The following NR3C2 variants were observed in gnomAD, a reference collection of about 807,000 sequenced individuals.
The protein encoded by NR3C2 is nuclear receptor subfamily 3 group C member 2.
NR3C2 carries 15 observed loss-of-function variants against 86.4 expected under a neutral mutation model. The observed-to-expected ratio is 0.17, with a 90% CI of 0.12 to 0.27. NR3C2 has a LOEUF of 0.27. Among genes scored for constraint, NR3C2 ranks in the 10% least tolerant of loss-of-function variants. NR3C2 has a pLI of 1.00. For synonymous variants in NR3C2, 458 were observed against 450.5 expected (o/e 1.02, Z -0.21); for missense variants, 960 against 1,195.6 (o/e 0.80, Z 2.91).
chr4:148,418,832 A>C (rs1749133172), intron 2 of NR3C2, among the ~76,000 whole-genome samples: 1 of 152,168 alleles, frequency 6.6e-6, no homozygotes, highest in Admixed American at 6.5e-5. Context: ...ATTCTTAGAG[A>C]GGATAGGTAA....
chr4:148,445,152 C>CTGA (rs1750518272), upstream of NR3C2, among the ~76,000 whole-genome samples: 1 of 151,982 alleles, frequency 6.6e-6, no homozygotes, highest in Non-Finnish European at 1.5e-5. Flanking sequence ...CCCAAATGCA[C>CTGA]GCACCCCCTT....
chr4:148,394,234 T>C (rs1747739008), intron 2 of NR3C2, among the ~76,000 whole-genome samples: 1 of 152,044 alleles, frequency 6.6e-6, no homozygotes. Context: ...TCCAGAAAAC[T>C]GTCCAGCCAA....
intron 2 of NR3C2, among the ~76,000 whole-genome samples, chr4:148,410,711 C>G (rs190291412): frequency 2.8e-4 from 42 of 152,228 alleles, no homozygotes; most frequent in Non-Finnish European, 5.0e-4. Context: ...ACATGAACAT[C>G]TTAGACTGAG....
At chr4:148,342,582 G>A (rs956413920) in intron 2 of NR3C2, among the ~76,000 whole-genome samples, 5 of 152,268 alleles carry the variant, frequency 3.3e-5, no homozygotes, top group Admixed American at 1.3e-4. Context: ...AGCCCCTTAT[G>A]AGCTAAGCTG....
Position 148,079,399 on chromosome 4 carries a change from G to T in NR3C2, c.*1945C>A, listed in dbSNP as rs1242511500. 1 of 152,300 alleles carries T rather than the reference G, an allele frequency of 6.6e-6. No homozygotes were observed. Among genetic ancestry groups the T allele is most frequent in the African/African-American group, 2.4e-5 (1 of 41,468 alleles). 9.4% of individuals were successfully genotyped at this position (152,300 alleles called of 1,614,324 possible). A position where few individuals can be genotyped will look rare whatever the true frequency, so the allele number is the denominator to read the frequency against. On this transcript the variant is annotated 3_prime_UTR_variant, in exon 9 of 9. Transcript: ENST00000358102. ...GGTGTCTTTTGAAAGACAAGGTAAT[G>T]TTGCCTGCATGGTGAACCCTGGAGA...
rs548370657 is a variant in NR3C2, at chr4:148,207,788, C to T, written c.1898-12926G>A. 1.2e-4 allele frequency among the ~76,000 whole-genome samples: 18 copies of T among 152,286 alleles called. No homozygotes were observed. In the Middle Eastern group the frequency reaches 0.024, roughly 201 times the overall value. ...AAGACCCCCAGTGGATGCCTGAAAC[C>T]ACAGATAGTACCAAAATCTATATAT... On this transcript the variant is annotated intron_variant, in intron 3 of 8. Coordinates refer to ENST00000358102, the MANE Select transcript of NR3C2 (RefSeq NM_000901.5).
At chr4:148,186,296 AT>A (rs1014958595) in intron 4 of NR3C2, among the ~76,000 whole-genome samples, 1 of 151,518 alleles carries the variant, frequency 6.6e-6, no homozygotes, top group African/African-American at 2.4e-5. Flanking sequence ...TCCTTTACCC[AT>A]TTTTTTAATG....
At chr4:148,324,203 A>T (rs912751748) in intron 2 of NR3C2, among the ~76,000 whole-genome samples, 2 of 152,202 alleles carry the variant, frequency 1.3e-5, no homozygotes, top group Non-Finnish European at 2.9e-5. Context: ...TTCCATATAT[A>T]AATAAGGTCG....
chr4:148,329,343 T>TAG (rs75906249), intron 2 of NR3C2, among the ~76,000 whole-genome samples: 3 of 152,164 alleles, frequency 2.0e-5, no homozygotes, highest in African/African-American at 7.2e-5. Context: ...TGCATATATA[T>TAG]ACACATATAT....
At position 148,084,316 on chromosome 4, in the gene NR3C2, G is replaced by T. The variant is rs187139395; in HGVS notation, c.2800-2817C>A. Reference sequence around the variant, plus strand: ...TGGGAAGCCCATCAGAATAACAGCAGATCTCTCTGCAGAAACCCTACAAGC... The same window carrying T: ...TGGGAAGCCCATCAGAATAACAGCATATCTCTCTGCAGAAACCCTACAAGC... On this transcript the variant is annotated intron_variant, in intron 8 of 8. Coordinates refer to ENST00000358102, the MANE Select transcript of NR3C2 (RefSeq NM_000901.5). Among the ~76,000 whole-genome samples, 254 of 152,332 alleles carry T rather than the reference G, an allele frequency of 1.7e-3. 2 individuals carry two copies. Among genetic ancestry groups the T allele is most frequent in the African/African-American group, 4.8e-3 (201 of 41,574 alleles).
chr4:148,120,248 C>G lies in NR3C2; in HGVS notation c.2551G>C (p.Gly851Arg), dbSNP rs1382992956. The change falls in exon 7 of 9, where the codon GGG becomes CGG. Residue 851 changes from glycine (G) to arginine (R), a missense_variant. Gly to Arg is a moderately radical substitution (Grantham distance 125). Around this residue, in one of 4 missense-constraint regions of NR3C2, gnomAD observed 151 missense variants for 296.3 expected, o/e 0.51. Coordinates refer to ENST00000358102, the MANE Select transcript of NR3C2 (RefSeq NM_000901.5). ...HQSAMYELCQ[G>R]MHQISLQFVR... ...AACTGAAGGCTGATTTGGTGCATCCCCTGGCATAGTTCATACATGGCAGAC... is the reference window on the plus strand; with the variant it reads ...AACTGAAGGCTGATTTGGTGCATCCGCTGGCATAGTTCATACATGGCAGAC... 5.0e-6 allele frequency: 8 copies of G among 1,613,962 alleles called. No homozygotes were observed. Among genetic ancestry groups the G allele is most frequent in the Non-Finnish European group, 6.8e-6 (8 of 1,179,996 alleles).
At chr4:148,318,589 C>G (rs1168487202) in intron 2 of NR3C2, among the ~76,000 whole-genome samples, 2 of 152,092 alleles carry the variant, frequency 1.3e-5, no homozygotes, top group Non-Finnish European at 2.9e-5. Context: ...GAGATGATAT[C>G]TCATTGTGGT....
chr4:148,100,453 C>T (rs921762405), intron 8 of NR3C2, among the ~76,000 whole-genome samples: 2 of 152,126 alleles, frequency 1.3e-5, no homozygotes, highest in African/African-American at 4.8e-5. Flanking sequence ...TACAAATGGC[C>T]ATTAGCGCCT....
At chr4:148,141,293 G>A (rs936249303) in intron 6 of NR3C2, among the ~76,000 whole-genome samples, 35 of 152,086 alleles carry the variant, frequency 2.3e-4, no homozygotes, top group African/African-American at 8.0e-4. Flanking sequence ...AATTAGCTGG[G>A]TGTGGTGGCA....
intron 8 of NR3C2, among the ~76,000 whole-genome samples, chr4:148,104,819 A>G (rs904011211): frequency 5.3e-5 from 8 of 152,220 alleles, no homozygotes; most frequent in African/African-American, 1.9e-4. Context: ...AACTGAAGTA[A>G]AGCACCAAGA....
At position 148,435,899 on chromosome 4, in the gene NR3C2, G is replaced by A. The variant is rs776290874; in HGVS notation, c.962C>T (p.Thr321Met). The change falls in exon 2 of 9, where the codon ACG (threonine) becomes ATG (methionine). Residue 321 changes from threonine to methionine, a missense_variant. Coordinates refer to ENST00000358102, the MANE Select transcript of NR3C2 (RefSeq NM_000901.5). The part of the protein sequence containing the change: ...SSPSNTNNRS[T>M]LSSPAASTVG... ...AGTACTGGCTGCCGGACTGGAAAGC[G>A]TGGATCTGTTATTAGTGTTCGAAGG... The A allele has an allele frequency of 1.2e-5, 20 of 1,614,050 alleles. 1 individual carries two copies. Among genetic ancestry groups the A allele is most frequent in the South Asian group, 1.2e-4 (11 of 91,086 alleles).
intron 2 of NR3C2, among the ~76,000 whole-genome samples, chr4:148,284,909 T>C (rs1475794116): frequency 1.3e-5 from 2 of 152,188 alleles, no homozygotes; most frequent in Non-Finnish European, 2.9e-5. Context: ...ATTGTTCTCA[T>C]TTCATATACA....
intron 2 of NR3C2, among the ~76,000 whole-genome samples, chr4:148,324,331 C>G (rs1465102656): frequency 7.1e-6 from 1 of 141,808 alleles, no homozygotes; most frequent in Non-Finnish European, 1.5e-5. Context: ...TAATATTCCT[C>G]TGTGTGTGTG....
chr4:148,329,843 A>T (rs1159311204), intron 2 of NR3C2, among the ~76,000 whole-genome samples: 1 of 152,220 alleles, frequency 6.6e-6, no homozygotes, highest in Non-Finnish European at 1.5e-5. Flanking sequence ...ATGAACTTTA[A>T]TCGTTAACTG....
Sources: allele counts gnomAD v4.1 joint callset (sites outside exome capture counted in the v4.1 genomes callset), GRCh38; gene constraint gnomAD v4.1.1; regional missense constraint gnomAD v4.1.1; transcripts MANE v1.5; gene names NCBI Gene and HGNC (gene_info 2026-07-23, HGNC 2026-07-21).